Variants in NCALD observed in about 807,000 individuals in gnomAD.
The protein encoded by NCALD is neurocalcin-delta.
A neutral mutation model predicts 18.6 loss-of-function variants in NCALD; 10 were observed. That is an observed-to-expected ratio of 0.54 (90% CI 0.33 to 0.91). The LOEUF is 0.91. Among genes scored for constraint, NCALD ranks in the 40% least tolerant of loss-of-function variants. The pLI is 0.03. For missense variants in NCALD, 184 were observed against 247.6 expected (o/e 0.74, Z 1.72); for synonymous variants, 88 against 87.4 (o/e 1.01, Z -0.04).
At chr8:101,831,894 A>G (rs1586596637) in intron 4 of NCALD, among the ~76,000 whole-genome samples, 1 of 152,336 alleles carries the variant, frequency 6.6e-6, no homozygotes, top group East Asian at 1.9e-4. Flanking sequence ...GAAACTCTGC[A>G]CTGGCTGCTG....
intron 2 of NCALD, among the ~76,000 whole-genome samples, chr8:101,707,523 T>C (rs1327109323): frequency 6.6e-6 from 1 of 152,228 alleles, no homozygotes; most frequent in African/African-American, 2.4e-5. Context: ...CCCATACTGC[T>C]AAAAGTAGCA....
upstream of NCALD, among the ~76,000 whole-genome samples, chr8:101,793,557 G>A (rs1812527853): frequency 6.6e-6 from 1 of 152,098 alleles, no homozygotes; most frequent in South Asian, 2.1e-4. Context: ...GAGGTTGAAG[G>A]CATGATGGTG....
intron 4 of NCALD, among the ~76,000 whole-genome samples, chr8:101,837,040 C>T (rs1453304593): frequency 6.6e-6 from 1 of 152,080 alleles, no homozygotes; most frequent in Non-Finnish European, 1.5e-5. Context: ...AAGCCCAGCA[C>T]CAGCTAATAT....
intron 1 of NCALD, among the ~76,000 whole-genome samples, chr8:102,064,548 C>G (rs1823943858): frequency 6.6e-6 from 1 of 152,156 alleles, no homozygotes; most frequent in African/African-American, 2.4e-5. Flanking sequence ...TCATTCACTC[C>G]CTTTCTCAGA....
At chr8:101,707,800 G>A (rs553782995) in intron 2 of NCALD, among the ~76,000 whole-genome samples, 2 of 152,026 alleles carry the variant, frequency 1.3e-5, no homozygotes, top group Admixed American at 6.6e-5. Flanking sequence ...CCCAGGAGAC[G>A]GAGGTTGCGG....
chr8:101,847,169 C>T (rs925624870), intron 4 of NCALD: 2 of 155,706 alleles, frequency 1.3e-5, no homozygotes, highest in Non-Finnish European at 2.9e-5. Flanking sequence ...TTGACTATTG[C>T]TTTGCTGCTG....
chr8:101,790,026 G>A (rs911002662), intron 1 of NCALD, among the ~76,000 whole-genome samples: 2 of 152,196 alleles, frequency 1.3e-5, no homozygotes, highest in Non-Finnish European at 2.9e-5. Flanking sequence ...TTGAGTTAAA[G>A]TAGAACTTGT....
intron 1 of NCALD, among the ~76,000 whole-genome samples, chr8:102,064,151 C>T (rs11785772): frequency 0.42 from 63,946 of 152,132 alleles, 17,903 homozygotes; most frequent in African/African-American, 0.79. Context: ...TGTTTGCCTT[C>T]AGGTTCCCAA....
chr8:101,772,960 C>T (rs1217091586), intron 1 of NCALD, among the ~76,000 whole-genome samples: 1 of 152,090 alleles, frequency 6.6e-6, no homozygotes, highest in Non-Finnish European at 1.5e-5. Context: ...TATATTATAT[C>T]ATATATTATC....
At chr8:102,112,491 A>G (rs1416593481) in intron 1 of NCALD, among the ~76,000 whole-genome samples, 3 of 152,224 alleles carry the variant, frequency 2.0e-5, no homozygotes, top group Admixed American at 6.5e-5. Flanking sequence ...TAAAAAAAAA[A>G]ATTGTTATCA....
intron 3 of NCALD, among the ~76,000 whole-genome samples, chr8:101,908,997 G>A (rs1817700962): frequency 6.6e-6 from 1 of 152,016 alleles, no homozygotes; most frequent in African/African-American, 2.4e-5. Context: ...ATCAGAAGAG[G>A]CCCAGTTTAC....
At chr8:101,719,087 C>T (rs1020696792) in intron 2 of NCALD, among the ~76,000 whole-genome samples, 165 bp downstream of exon 2, 3 of 152,184 alleles carry the variant, frequency 2.0e-5, no homozygotes, top group Non-Finnish European at 2.9e-5. Context: ...TGCAGTCTCC[C>T]CACACTGTAA....
At chr8:101,856,239 T>G (rs1285969439) in intron 4 of NCALD, among the ~76,000 whole-genome samples, 3 of 152,208 alleles carry the variant, frequency 2.0e-5, no homozygotes, top group African/African-American at 4.8e-5. Context: ...TGGTGTAATC[T>G]TGACTCACTG....
intron 2 of NCALD, among the ~76,000 whole-genome samples, chr8:101,966,999 T>C (rs1443065624): frequency 1.3e-5 from 2 of 152,212 alleles, no homozygotes; most frequent in Non-Finnish European, 2.9e-5. Context: ...ATGCTAATTT[T>C]AGAATATATA....
intron 4 of NCALD, among the ~76,000 whole-genome samples, chr8:101,853,056 A>G (rs553239579): frequency 6.6e-6 from 1 of 152,272 alleles, no homozygotes; most frequent in Non-Finnish European, 1.5e-5. Flanking sequence ...CCCATGTCCA[A>G]ACCCTGGTCC....
chr8:102,083,165 A>G (rs1824607425), intron 1 of NCALD, among the ~76,000 whole-genome samples: 2 of 152,204 alleles, frequency 1.3e-5, no homozygotes, highest in African/African-American at 4.8e-5. Flanking sequence ...ATAAAACCTG[A>G]CTCAACCCTA....
intron 1 of NCALD, among the ~76,000 whole-genome samples, chr8:101,782,736 G>T (rs1563764530): frequency 6.6e-6 from 1 of 152,130 alleles, no homozygotes; most frequent in Non-Finnish European, 1.5e-5. Flanking sequence ...CCAACTCAAA[G>T]CTCACTTCCT....
intron 1 of NCALD, among the ~76,000 whole-genome samples, chr8:101,752,606 C>T (rs1810705740): frequency 6.6e-6 from 1 of 152,194 alleles, no homozygotes; most frequent in Non-Finnish European, 1.5e-5. Flanking sequence ...TGTGCTCTTT[C>T]ATCCCCAAAT....
intron 4 of NCALD, among the ~76,000 whole-genome samples, chr8:101,838,100 T>C (rs1189271582): frequency 1.3e-5 from 2 of 152,250 alleles, no homozygotes; most frequent in Non-Finnish European, 2.9e-5. Context: ...TGTATTAATA[T>C]AACATTTTTG....
Sources: allele counts gnomAD v4.1 joint callset (sites outside exome capture counted in the v4.1 genomes callset), GRCh38; gene constraint gnomAD v4.1.1; transcripts MANE v1.5; gene names NCBI Gene and HGNC (gene_info 2026-07-23, HGNC 2026-07-21).